The following ATP9A variants were observed in gnomAD, a reference collection of about 807,000 sequenced individuals.
ATP9A encodes the protein probable phospholipid-transporting ATPase IIA.
A neutral mutation model predicts 144.1 loss-of-function variants in ATP9A; 52 were observed. The observed-to-expected ratio is 0.36, with a 90% CI of 0.29 to 0.45. The LOEUF (loss-of-function observed/expected upper bound fraction) is 0.45. ATP9A is among the 20% of genes least tolerant of loss of function. The probability of loss-of-function intolerance (pLI) is 1.00; values close to 1 mark genes in which losing one functional copy is unlikely to be tolerated. For synonymous variants in ATP9A, 582 were observed against 557.4 expected (o/e 1.04, Z -0.62); for missense variants, 947 against 1,392.7 (o/e 0.68, Z 5.09).
At chr20:51,608,718 C>G in intron 24 of ATP9A, 92 bp from the exon 25 acceptor site, 1 of 799,050 alleles carries the variant, frequency 1.3e-6, no homozygotes, top group African/African-American at 1.7e-5. Flanking sequence ...CCAACCATGC[C>G]TCTAACAAAT....
chr20:51,706,078 C>T (rs6126311), intron 4 of ATP9A, among the ~76,000 whole-genome samples: 33,398 of 152,116 alleles, frequency 0.22, 4,317 homozygotes, highest in East Asian at 0.45. Context: ...AACAGTTTGT[C>T]CATCTGACAA....
intron 17 of ATP9A, among the ~76,000 whole-genome samples, chr20:51,626,055 C>T (rs537207315): frequency 3.9e-5 from 6 of 152,352 alleles, no homozygotes; most frequent in African/African-American, 9.6e-5. Context: ...CATTCCTGCA[C>T]GCTGGATTTA....
intron 27 of ATP9A, among the ~76,000 whole-genome samples, chr20:51,603,771 ATTATTTAT>A (rs11470265): frequency 1.3e-5 from 2 of 149,702 alleles, no homozygotes; most frequent in Admixed American, 6.6e-5. Context: ...AACATTTTTT[ATTATTTAT>A]TTATTTATTT....
Position 51,677,356 on chromosome 20 carries a change from A to C in ATP9A, c.800-1148T>G, listed in dbSNP as rs559058733. Reference sequence around the variant, plus strand: ...AACCCTTTGAGTTTAAATTCAGTTAAATTAAATACAGCGCCCACCCTCCCT... The same window carrying C: ...AACCCTTTGAGTTTAAATTCAGTTACATTAAATACAGCGCCCACCCTCCCT... On this transcript the variant is annotated intron_variant, in intron 9 of 27. Coordinates refer to ENST00000338821, the MANE Select transcript of ATP9A (RefSeq NM_006045.3). Among the ~76,000 whole-genome samples, 634 of 152,302 alleles carry C rather than the reference A, an allele frequency of 4.2e-3. 3 individuals carry two copies. Among genetic ancestry groups the C allele is most frequent in the Non-Finnish European group, 7.0e-3 (479 of 68,042 alleles).
chr20:51,649,439 G>A (rs1202045431), intron 14 of ATP9A, among the ~76,000 whole-genome samples: 1 of 152,158 alleles, frequency 6.6e-6, no homozygotes, highest in African/African-American at 2.4e-5. Context: ...TCTATCATAA[G>A]AGGGGCTCAT....
intron 14 of ATP9A, among the ~76,000 whole-genome samples, chr20:51,650,398 A>G (rs979537877): frequency 2.0e-5 from 3 of 151,782 alleles, no homozygotes; most frequent in African/African-American, 7.3e-5. Flanking sequence ...GCTGGGCGTG[A>G]TGGCGTGCAC....
chr20:51,679,409 C>G (rs2077490923), intron 9 of ATP9A, among the ~76,000 whole-genome samples: 1 of 152,222 alleles, frequency 6.6e-6, no homozygotes, highest in African/African-American at 2.4e-5. Flanking sequence ...GTTCCTCATG[C>G]TACACCCAGG....
intron 14 of ATP9A, among the ~76,000 whole-genome samples, chr20:51,646,348 G>A (rs372780799): frequency 4.6e-5 from 7 of 152,172 alleles, no homozygotes; most frequent in East Asian, 1.9e-4. Context: ...ATCAGAGCAC[G>A]TATGATACGA....
intron 9 of ATP9A, among the ~76,000 whole-genome samples, chr20:51,686,037 T>TA (rs1186868997): frequency 3.3e-5 from 5 of 152,000 alleles, no homozygotes; most frequent in Non-Finnish European, 7.4e-5. Context: ...TATGCAGCCA[T>TA]AAAAAAGGAT....
rs890245418 is a variant in ATP9A at position 51,598,867 on chromosome 20, G to T, written c.*2344C>A. 1 of 152,280 alleles carries T rather than the reference G, an allele frequency of 6.6e-6. No individual in the cohort carries two copies. The highest frequency in any genetic ancestry group is 1.5e-5 in the Non-Finnish European group (1 of 68,102). The allele number at this position is 152,280 out of a possible 1,614,324, so 9.4% of individuals were successfully genotyped here. A position where few individuals can be genotyped will look rare whatever the true frequency, so the allele number is the denominator to read the frequency against. On this transcript the variant is annotated 3_prime_UTR_variant, in exon 28 of 28. Transcript: ENST00000338821. Reference sequence around the variant, plus strand: ...CGTGGCAGTTTGCACTTGAGTGTCGGTACTTCTCACCCTTGACCGCCTCCG... The same window carrying T: ...CGTGGCAGTTTGCACTTGAGTGTCGTTACTTCTCACCCTTGACCGCCTCCG...
rs560985873 is a variant in ATP9A, at chr20:51,747,669, T to C, written c.69-17691A>G. 7.2e-5 allele frequency among the ~76,000 whole-genome samples: 11 copies of C among 152,348 alleles called. No individual in the cohort carries two copies. The South Asian group carries it at 2.1e-3, about 29-fold the overall frequency. ...CCAGCAGATGGGCAGTCAGGGATGC[T>C]GGGACTGTCGCCTTTCCCTGTTTCT... On this transcript the variant is annotated intron_variant, in intron 1 of 27. Transcript: ENST00000338821.
chr20:51,732,747 T>C (rs1486054541), intron 1 of ATP9A, among the ~76,000 whole-genome samples: 1 of 151,840 alleles, frequency 6.6e-6, no homozygotes, highest in Admixed American at 6.6e-5. Context: ...AAATCACCCA[T>C]GCTGGCCATC....
rs1362892475 is a variant in ATP9A, at chr20:51,625,275, G to GTTCCAT, written c.1927_1932dup (p.Met643_Glu644dup). ...TCCTCCACGCCCGTCAGGCACAGCA[G>GTTCCAT]TTCCATCTCCATCTCCAGGCTCTCG... On this transcript the variant is annotated inframe_insertion, in exon 18 of 28. Coordinates refer to ENST00000338821, the MANE Select transcript of ATP9A (RefSeq NM_006045.3). 6.2e-7 allele frequency: 1 copy of GTTCCAT among 1,614,222 alleles called. No homozygotes were observed. The highest frequency in any genetic ancestry group is 1.7e-5 in the Admixed American group (1 of 60,034).
intron 9 of ATP9A, among the ~76,000 whole-genome samples, chr20:51,687,346 T>C (rs2077527593): frequency 6.6e-6 from 1 of 152,200 alleles, no homozygotes; most frequent in African/African-American, 2.4e-5. Context: ...AGTGCACCTC[T>C]GCCTATTTGT....
Position 51,694,217 on chromosome 20 carries a change from C to A in ATP9A, c.548-115G>T. The A allele has an allele frequency of 4.3e-6, 3 of 704,606 alleles. No individual in the cohort carries two copies. In the South Asian group the frequency reaches 5.3e-5, roughly 13 times the overall value. The allele number at this position is 704,606 out of a possible 1,614,324, so 43.6% of individuals were successfully genotyped here. A position where few individuals can be genotyped will look rare whatever the true frequency, so the allele number is the denominator to read the frequency against. ...ACAGCCAACCAATGGCCAGCGACCACAAGAGAAAATACATATCCTATCTCC... is the reference window on the plus strand; with the variant it reads ...ACAGCCAACCAATGGCCAGCGACCAAAAGAGAAAATACATATCCTATCTCC... On this transcript the variant is annotated intron_variant, in intron 6 of 27. Transcript: ENST00000338821.
intron 3 of ATP9A, among the ~76,000 whole-genome samples, chr20:51,720,934 G>A (rs1270400951): frequency 2.6e-5 from 4 of 152,196 alleles, no homozygotes; most frequent in African/African-American, 9.7e-5. Flanking sequence ...ACCTGATACA[G>A]GCAGGAATGT....
At chr20:51,761,731 GC>G (rs2077881689) in intron 1 of ATP9A, among the ~76,000 whole-genome samples, 1 of 151,662 alleles carries the variant, frequency 6.6e-6, no homozygotes, top group African/African-American at 2.4e-5. Context: ...CTGCACTCCA[GC>G]CTGGGCGACA....
intron 1 of ATP9A, among the ~76,000 whole-genome samples, chr20:51,757,153 G>C (rs1160030893): frequency 6.6e-6 from 1 of 152,084 alleles, no homozygotes; most frequent in Non-Finnish European, 1.5e-5. Context: ...CTCCATAACA[G>C]GGAATCATCA....
At chr20:51,667,251 C>T (rs540242008) in intron 13 of ATP9A, among the ~76,000 whole-genome samples, 3 of 152,300 alleles carry the variant, frequency 2.0e-5, no homozygotes, top group African/African-American at 4.8e-5. Context: ...CACAAATATC[C>T]TGAGAGGGGA....
Sources: gnomAD v4.1 joint callset for allele counts (sites outside exome capture counted in the v4.1 genomes callset) on GRCh38, gnomAD v4.1.1 for gene constraint, MANE v1.5 for transcripts, NCBI Gene and HGNC (gene_info 2026-07-23, HGNC 2026-07-21) for gene names.